U2SURP: variants seen among roughly 807,000 people sequenced by gnomAD.
U2SURP encodes U2 snRNP associated SURP domain containing, also known as U2 snRNP-associated SURP motif-containing protein.
In U2SURP, 9 loss-of-function variants were observed where a neutral mutation model predicts 144.9. The observed-to-expected ratio is 0.06, with a 90% CI of 0.04 to 0.11. U2SURP has a LOEUF of 0.11. Ranked by LOEUF, U2SURP falls within the 10% of genes least tolerant of loss-of-function variation. U2SURP has a pLI of 1.00. For missense variants in U2SURP, 724 were observed against 1,226.7 expected (o/e 0.59, Z 6.12); for synonymous variants, 408 against 396.8 (o/e 1.03, Z -0.33).
At chr3:143,038,754 A>G (rs1211586419) in intron 22 of U2SURP, 140 bp from the exon 23 acceptor site, 3 of 557,300 alleles carry the variant, frequency 5.4e-6, no homozygotes, top group African/African-American at 4.0e-5. Context: ...AGAAATAACT[A>G]TTTAGAGAAT....
intron 4 of U2SURP, 83 bp downstream of exon 4, chr3:143,014,492 C>A: frequency 1.1e-6 from 1 of 899,452 alleles, no homozygotes; most frequent in Non-Finnish European, 1.6e-6. Flanking sequence ...GAATGTTTCC[C>A]GAAGATTCTT....
At chr3:143,025,014 A>G (rs1362165637) in intron 13 of U2SURP, among the ~76,000 whole-genome samples, 1 of 152,156 alleles carries the variant, frequency 6.6e-6, no homozygotes, top group Non-Finnish European at 1.5e-5. Flanking sequence ...AAAAGTCACC[A>G]TTTTTAAAAT....
chr3:143,020,532 G>A, intron 7 of U2SURP, 67 bp from the exon 8 acceptor site: 7 of 998,472 alleles, frequency 7.0e-6, no homozygotes, highest in Non-Finnish European at 1.1e-5. Context: ...AATTTGATAA[G>A]CGCTATTCTG....
At chr3:143,022,174 A>G (rs1322916147) in intron 10 of U2SURP, among the ~76,000 whole-genome samples, 7 of 152,184 alleles carry the variant, frequency 4.6e-5, no homozygotes, top group South Asian at 2.1e-4. Context: ...CTAAATGCCT[A>G]AACAAACCAT....
intron 4 of U2SURP, among the ~76,000 whole-genome samples, chr3:143,015,491 A>G (rs1054504941): frequency 6.6e-6 from 1 of 151,954 alleles, no homozygotes; most frequent in African/African-American, 2.4e-5. Flanking sequence ...CTACTACTGA[A>G]TGGTTTCTTT....
intron 8 of U2SURP, among the ~76,000 whole-genome samples, chr3:143,020,967 G>GGATT (rs1487408242): frequency 6.6e-6 from 1 of 152,164 alleles, no homozygotes; most frequent in Non-Finnish European, 1.5e-5. Flanking sequence ...CGAGGCAAGT[G>GGATT]GATTACCTAA....
rs1170452232 is a variant in U2SURP at position 143,008,975 on chromosome 3, C to T, written c.46-1840C>T. 2.6e-5 allele frequency among the ~76,000 whole-genome samples: 4 copies of T among 152,154 alleles called. No homozygotes were observed. In the East Asian group the frequency reaches 7.7e-4, roughly 29 times the overall value. ...GGTTTGGCCAGGATGGTCTCCATCTCTTGATCCACCCGCCTCGGCCTCCCA... is the reference window on the plus strand; with the variant it reads ...GGTTTGGCCAGGATGGTCTCCATCTTTTGATCCACCCGCCTCGGCCTCCCA... On this transcript the variant is annotated intron_variant, in intron 1 of 27. Transcript: ENST00000473835.
chr3:143,047,030 G>T (rs1312521437), intron 24 of U2SURP, among the ~76,000 whole-genome samples: 1 of 135,980 alleles, frequency 7.4e-6, no homozygotes, highest in Non-Finnish European at 1.5e-5. Flanking sequence ...GGATGGGGCG[G>T]CTGGCCAGGC....
chr3:143,048,077 A>T (rs1934637955), intron 24 of U2SURP, among the ~76,000 whole-genome samples: 1 of 152,202 alleles, frequency 6.6e-6, no homozygotes. Context: ...GAAGAGAGAG[A>T]TCACTTTCTG....
chr3:143,053,956 A>G (rs1935017440), intron 26 of U2SURP, among the ~76,000 whole-genome samples, 162 bp downstream of exon 26: 1 of 152,206 alleles, frequency 6.6e-6, no homozygotes, highest in Non-Finnish European at 1.5e-5. Flanking sequence ...GAAATGGGGC[A>G]TTTAGTTGGC....
chr3:143,043,027 C>T, intron 23 of U2SURP, 90 bp from the exon 24 acceptor site: 2 of 1,294,424 alleles, frequency 1.5e-6, no homozygotes, highest in Non-Finnish European at 2.1e-6. Context: ...TATTTAAGCT[C>T]TAAGACAATG....
At chr3:143,041,297 G>A (rs772031998) in intron 23 of U2SURP, among the ~76,000 whole-genome samples, 4 of 151,690 alleles carry the variant, frequency 2.6e-5, no homozygotes, top group Non-Finnish European at 1.5e-5. Context: ...GGAAATTCTT[G>A]TGTTTTAAAA....
At chr3:143,041,033 C>T (rs1252479185) in intron 23 of U2SURP, among the ~76,000 whole-genome samples, 3 of 151,354 alleles carry the variant, frequency 2.0e-5, no homozygotes, top group Non-Finnish European at 4.4e-5. Flanking sequence ...GGTAAACATA[C>T]AAGGATGTTT....
chr3:143,042,640 C>A lies in U2SURP; in HGVS notation c.2385-477C>A, dbSNP rs80116509. ...TGTCCCAGAAGTCCATTGTATTATTCTTATGCCTTTACATCCTTATAGCTT... is the reference window on the plus strand; with the variant it reads ...TGTCCCAGAAGTCCATTGTATTATTATTATGCCTTTACATCCTTATAGCTT... On this transcript the variant is annotated intron_variant, in intron 23 of 27. Coordinates refer to ENST00000473835, the MANE Select transcript of U2SURP (RefSeq NM_001080415.2). Among the ~76,000 whole-genome samples, 187 of 152,218 alleles carry A rather than the reference C, an allele frequency of 1.2e-3. 2 individuals are homozygous for A. The highest frequency in any genetic ancestry group is 6.8e-3 in the Middle Eastern group (2 of 294).
At chr3:143,038,579 C>A (rs992710978) in intron 22 of U2SURP, among the ~76,000 whole-genome samples, 1 of 152,018 alleles carries the variant, frequency 6.6e-6, no homozygotes, top group Non-Finnish European at 1.5e-5. Flanking sequence ...ACCTGTCTTT[C>A]ACACTTACTT....
At position 143,015,668 on chromosome 3, in the gene U2SURP, A is replaced by G. The variant is rs550081460; in HGVS notation, c.322-589A>G. Reference sequence around the variant, plus strand: ...TGAGATGCTCCTTTTATTGAACACTAAATTTCCACATGCTATTCAATTTTA... The same window carrying G: ...TGAGATGCTCCTTTTATTGAACACTGAATTTCCACATGCTATTCAATTTTA... On this transcript the variant is annotated intron_variant, in intron 4 of 27. Coordinates refer to ENST00000473835, the MANE Select transcript of U2SURP (RefSeq NM_001080415.2). Among the ~76,000 whole-genome samples the G allele has an allele frequency of 3.9e-5, 6 of 152,224 alleles. No individual in the cohort carries two copies. The South Asian group carries it at 1.0e-3, about 26-fold the overall frequency.
intron 8 of U2SURP, among the ~76,000 whole-genome samples, chr3:143,020,903 T>C (rs2108282544): frequency 6.6e-6 from 1 of 151,890 alleles, no homozygotes; most frequent in Middle Eastern, 3.4e-3. Context: ...AATAGAACAA[T>C]TATAACAATA....
At chr3:143,012,101 G>T in intron 2 of U2SURP, 121 bp from the exon 3 acceptor site, 1 of 1,257,840 alleles carries the variant, frequency 8.0e-7, no homozygotes, top group South Asian at 1.3e-5. Flanking sequence ...TAAGGGATGT[G>T]ATATTTTGAT....
chr3:143,060,328 T>C lies in U2SURP; in HGVS notation c.*3878T>C, dbSNP rs1202769274. 2 of 152,016 alleles carry C rather than the reference T, an allele frequency of 1.3e-5. No individual in the cohort carries two copies. Among genetic ancestry groups the C allele is most frequent in the Non-Finnish European group, 2.9e-5 (2 of 67,890 alleles). The allele number at this position is 152,016 out of a possible 1,614,324, so 9.4% of individuals were successfully genotyped here. On this transcript the variant is annotated 3_prime_UTR_variant, in exon 28 of 28. Transcript: ENST00000473835. ...ATAGTTGAAATCAGTTGGGCTAAAA[T>C]ATTCTACAGCAAGACAATTTCTTTT... is the stretch of plus-strand genomic sequence containing the variant.
Sources: gnomAD v4.1 joint callset for allele counts (sites outside exome capture counted in the v4.1 genomes callset) on GRCh38, gnomAD v4.1.1 for gene constraint, MANE v1.5 for transcripts, NCBI Gene and HGNC (gene_info 2026-07-23, HGNC 2026-07-21) for gene names.